Variants in CDC37L1 observed in about 807,000 individuals in gnomAD.
CDC37L1 encodes cell division cycle 37 like 1, HSP90 cochaperone, also known as hsp90 co-chaperone Cdc37-like 1.
CDC37L1 carries 32 observed loss-of-function variants against 45.9 expected under a neutral mutation model. The ratio of observed to expected loss-of-function variants is 0.70; its 90% CI spans 0.53 to 0.94. The LOEUF (loss-of-function observed/expected upper bound fraction) is 0.94. Among genes scored for constraint, CDC37L1 ranks in the 40% least tolerant of loss-of-function variants. The pLI, the probability that CDC37L1 is intolerant of heterozygous loss-of-function variation, is 0.00. For synonymous variants in CDC37L1, 150 were observed against 133.0 expected (o/e 1.13, Z -0.88); for missense variants, 434 against 405.7 (o/e 1.07, Z -0.60).
At chr9:4,700,066 C>T (rs534564598) in intron 5 of CDC37L1, among the ~76,000 whole-genome samples, 1 of 151,992 alleles carries the variant, frequency 6.6e-6, no homozygotes, top group Non-Finnish European at 1.5e-5. Flanking sequence ...GAAATGCAAC[C>T]AAAATATGAA....
chr9:4,697,545 A>C (rs1841359285), intron 4 of CDC37L1, among the ~76,000 whole-genome samples: 1 of 152,134 alleles, frequency 6.6e-6, no homozygotes, highest in South Asian at 2.1e-4. Flanking sequence ...GTATTAAATC[A>C]AGTTCAGAGC....
chr9:4,693,828 A>G (rs565395951), intron 3 of CDC37L1, among the ~76,000 whole-genome samples: 1 of 152,312 alleles, frequency 6.6e-6, no homozygotes, highest in East Asian at 1.9e-4. Flanking sequence ...ATAGCATTTA[A>G]TTGTCATGAA....
intron 1 of CDC37L1, among the ~76,000 whole-genome samples, chr9:4,680,576 G>C (rs901232221): frequency 2.6e-5 from 4 of 151,466 alleles, no homozygotes; most frequent in African/African-American, 9.8e-5. Flanking sequence ...TTTCAATCCA[G>C]CATTCCTGCC....
chr9:4,684,776 C>A, intron 1 of CDC37L1, 101 bp from the exon 2 acceptor site: 1 of 833,472 alleles, frequency 1.2e-6, no homozygotes, highest in Non-Finnish European at 1.9e-6. Context: ...TACTATATAC[C>A]AAAATATTGT....
At chr9:4,691,765 A>G (rs3780397) in intron 3 of CDC37L1, among the ~76,000 whole-genome samples, 14,598 of 152,208 alleles carry the variant, frequency 0.096, 1,116 homozygotes, top group East Asian at 0.37. Flanking sequence ...ATGGTACAAT[A>G]TATCATGGAC....
In CDC37L1 at chr9:4,688,615, A is replaced by G. The variant is rs1403978362; in HGVS notation, c.508+9A>G. ...AAAAATCAGACATTTTGGTAAGTCT[A>G]CTACTTGGATTTCCTTCTTTGTAAT... On this transcript the variant is annotated intron_variant, in intron 3 of 6. Transcript: ENST00000381854. The G allele has an allele frequency of 2.1e-6, 3 of 1,462,178 alleles. No individual in the cohort carries two copies. Among genetic ancestry groups the G allele is most frequent in the South Asian group, 2.7e-5 (2 of 74,544 alleles). The allele number at this position is 1,462,178 out of a possible 1,614,324, so 90.6% of individuals were successfully genotyped here.
rs1286681105 is a variant in CDC37L1 at position 4,706,235 on chromosome 9, GAGTACTGAA to G, written c.*125_*133del. On this transcript the variant is annotated 3_prime_UTR_variant, in exon 7 of 7. Coordinates refer to ENST00000381854, the MANE Select transcript of CDC37L1 (RefSeq NM_017913.4). Reference sequence around the variant, plus strand: ...TGTTCGGTTTTTGATGGGAGGGAAAGAGTACTGAAATGTTTTGTAAATTTTTTTTAATGT... The same window carrying G: ...TGTTCGGTTTTTGATGGGAGGGAAAGATGTTTTGTAAATTTTTTTTAATGT... The G allele has an allele frequency of 2.3e-5, 12 of 519,708 alleles. No individual in the cohort carries two copies. Among genetic ancestry groups the G allele is most frequent in the African/African-American group, 2.1e-4 (11 of 52,512 alleles). The allele number at this position is 519,708 out of a possible 1,614,324, so 32.2% of individuals were successfully genotyped here. A position where few individuals can be genotyped will look rare whatever the true frequency, so the allele number is the denominator to read the frequency against.
intron 1 of CDC37L1, among the ~76,000 whole-genome samples, chr9:4,682,014 G>T (rs1347790911): frequency 2.6e-5 from 4 of 152,176 alleles, no homozygotes; most frequent in Admixed American, 2.0e-4. Flanking sequence ...TGTTGTCTGG[G>T]TAGTTTGTGG....
At chr9:4,695,739 C>T (rs1179084774) in intron 3 of CDC37L1, among the ~76,000 whole-genome samples, 2 of 152,144 alleles carry the variant, frequency 1.3e-5, no homozygotes, top group Non-Finnish European at 2.9e-5. Context: ...TCCACCATTC[C>T]TCTGGCCTCA....
intron 3 of CDC37L1, among the ~76,000 whole-genome samples, chr9:4,692,281 T>C (rs1414119843): frequency 6.6e-6 from 1 of 152,084 alleles, no homozygotes; most frequent in Non-Finnish European, 1.5e-5. Context: ...TGTTTTTTTT[T>C]TTTTTGAGAC....
intron 6 of CDC37L1, 46 bp downstream of exon 6, chr9:4,702,074 C>A (rs1044961741): frequency 5.8e-6 from 6 of 1,031,876 alleles, no homozygotes; most frequent in Non-Finnish European, 5.3e-6. Flanking sequence ...TATTAATTCA[C>A]ATAATTTTTG....
intron 3 of CDC37L1, among the ~76,000 whole-genome samples, chr9:4,695,906 T>C (rs1263296378): frequency 6.6e-6 from 1 of 152,188 alleles, no homozygotes; most frequent in Non-Finnish European, 1.5e-5. Context: ...TTCTTGTGCC[T>C]CAGCCTTCCA....
At chr9:4,705,921 G>A (rs1452701864) in intron 6 of CDC37L1, 90 bp from the exon 7 acceptor site, 3 of 551,294 alleles carry the variant, frequency 5.4e-6, no homozygotes, top group East Asian at 5.8e-5. Flanking sequence ...AAATAGGACG[G>A]TGAAACTGAA....
At chr9:4,679,954 C>T (rs1587613011) in intron 1 of CDC37L1, 55 bp downstream of exon 1, 3 of 1,599,434 alleles carry the variant, frequency 1.9e-6, no homozygotes, top group South Asian at 2.2e-5. Flanking sequence ...CGCCAAACCC[C>T]TGGAATGCCG....
At position 4,707,087 on chromosome 9, in the gene CDC37L1, T is replaced by C. The variant is rs1244294434; in HGVS notation, c.*975T>C. ...GCAAGAGAAATCTTGTAGTGCTAAC[T>C]GCCTTGAGCTGCCAATTACCTATTT... is the stretch of plus-strand genomic sequence containing the variant. On this transcript the variant is annotated 3_prime_UTR_variant, in exon 7 of 7. Coordinates refer to ENST00000381854, the MANE Select transcript of CDC37L1 (RefSeq NM_017913.4). The C allele has an allele frequency of 1.3e-5, 2 of 152,202 alleles. No individual in the cohort carries two copies. The highest frequency in any genetic ancestry group is 2.4e-5 in the African/African-American group (1 of 41,450). 9.4% of individuals were successfully genotyped at this position (152,202 alleles called of 1,614,324 possible).
At chr9:4,680,118 C>A (rs2295966) in intron 1 of CDC37L1, among the ~76,000 whole-genome samples, 1 of 152,200 alleles carries the variant, frequency 6.6e-6, no homozygotes, top group East Asian at 1.9e-4. Flanking sequence ...TCCACCTCCA[C>A]GCACATGTTT....
intron 2 of CDC37L1, among the ~76,000 whole-genome samples, chr9:4,686,669 TCA>T (rs1841250562): frequency 6.6e-6 from 1 of 152,226 alleles, no homozygotes; most frequent in Non-Finnish European, 1.5e-5. Context: ...TACATTTATC[TCA>T]CAAATTAATT....
chr9:4,694,819 G>A (rs1439826722), intron 3 of CDC37L1, among the ~76,000 whole-genome samples: 1 of 152,100 alleles, frequency 6.6e-6, no homozygotes, highest in African/African-American at 2.4e-5. Flanking sequence ...GCAGTGAGCT[G>A]AGATCGTGTT....
At chr9:4,681,899 G>A (rs1490654349) in intron 1 of CDC37L1, among the ~76,000 whole-genome samples, 1 of 152,172 alleles carries the variant, frequency 6.6e-6, no homozygotes, top group African/African-American at 2.4e-5. Flanking sequence ...GGCAGATCAT[G>A]TTTAATGTCC....
Sources: allele counts gnomAD v4.1 joint callset (sites outside exome capture counted in the v4.1 genomes callset), GRCh38; gene constraint gnomAD v4.1.1; transcripts MANE v1.5; gene names NCBI Gene and HGNC (gene_info 2026-07-23, HGNC 2026-07-21).